The following FAM168B variants were observed in gnomAD, a reference collection of about 807,000 sequenced individuals.
FAM168B encodes the protein family with sequence similarity 168 member B.
A neutral mutation model predicts 21.8 loss-of-function variants in FAM168B; 19 were observed. The ratio of observed to expected loss-of-function variants is 0.87; its 90% CI spans 0.61 to 1.28. FAM168B has a LOEUF of 1.28. Among genes scored for constraint, FAM168B ranks in the 50% most tolerant of loss-of-function variants. FAM168B has a pLI of 0.00. For synonymous variants in FAM168B, 126 were observed against 104.8 expected, an observed-to-expected ratio of 1.20 and a Z score of -1.24; for missense variants, 233 against 263.1, an observed-to-expected ratio of 0.89 and a Z score of 0.79.
chr2:131,063,386 T>C (rs183860100), intron 3 of FAM168B, among the ~76,000 whole-genome samples: 2 of 152,238 alleles, frequency 1.3e-5, no homozygotes, highest in Non-Finnish European at 1.5e-5. Context: ...CAGAAAACTT[T>C]TGGTCTTTGG....
intron 2 of FAM168B, among the ~76,000 whole-genome samples, chr2:131,073,709 A>T (rs1692995066): frequency 6.6e-6 from 1 of 152,156 alleles, no homozygotes; most frequent in South Asian, 2.1e-4. Flanking sequence ...ATTTCTGTTC[A>T]TTATCCAGCT....
rs923183817 is a variant in FAM168B at position 131,049,442 on chromosome 2, C to T, written c.*3023G>A. 10 of 985,284 alleles carry T rather than the reference C, an allele frequency of 1.0e-5. No individual in the cohort carries two copies. The highest frequency in any genetic ancestry group is 1.2e-5 in the Non-Finnish European group (10 of 829,944). The allele number at this position is 985,284 out of a possible 1,614,324, so 61.0% of individuals were successfully genotyped here. A position where few individuals can be genotyped will look rare whatever the true frequency, so the allele number is the denominator to read the frequency against. On this transcript the variant is annotated 3_prime_UTR_variant, in exon 7 of 7. Coordinates refer to ENST00000389915, the MANE Select transcript of FAM168B (RefSeq NM_001009993.4). ...TTCTTAACAGATGGCTCACGAGAGA[C>T]ATAAAAGGTTCTGGAAGTGCCTTCA...
At chr2:131,077,373 C>T (rs570540392) in intron 2 of FAM168B, among the ~76,000 whole-genome samples, 20 of 152,176 alleles carry the variant, frequency 1.3e-4, no homozygotes, top group Non-Finnish European at 2.4e-4. Context: ...AGGAGCAGGA[C>T]CAGGCCGCTG....
At chr2:131,090,319 C>CAAAAAAAA (rs1179969129) in intron 1 of FAM168B, among the ~76,000 whole-genome samples, 4 of 75,184 alleles carry the variant, frequency 5.3e-5, no homozygotes, top group Non-Finnish European at 8.9e-5. Context: ...ACTCTTGTCT[C>CAAAAAAAA]AAAAAAAAAA....
Position 131,051,418 on chromosome 2 carries a change from C to T in FAM168B, c.*1047G>A. The T allele has an allele frequency of 7.1e-6, 7 of 984,928 alleles. No individual in the cohort carries two copies. The highest frequency in any genetic ancestry group is 8.4e-6 in the Non-Finnish European group (7 of 829,846). The allele number at this position is 984,928 out of a possible 1,614,324, so 61.0% of individuals were successfully genotyped here. ...TCATAACATACAGCTGAAACCTTTG[C>T]CCTTCTTTGTTGGGGAAAAACAGCA... On this transcript the variant is annotated 3_prime_UTR_variant, in exon 7 of 7. Coordinates refer to ENST00000389915, the MANE Select transcript of FAM168B (RefSeq NM_001009993.4).
At chr2:131,081,826 ATC>A (rs1693447587) in intron 2 of FAM168B, among the ~76,000 whole-genome samples, 1 of 152,184 alleles carries the variant, frequency 6.6e-6, no homozygotes, top group Non-Finnish European at 1.5e-5. Flanking sequence ...GACCCCAGAT[ATC>A]TCTCTTACCT....
In FAM168B at chr2:131,084,812, A is replaced by G. The variant is rs979399762; in HGVS notation, c.-11-2155T>C. On this transcript the variant is annotated intron_variant, in intron 1 of 6. Transcript: ENST00000389915. ...GTCATAGCTCACTGCAGACTTGATC[A>G]CCCAAGCTTAAGTGATCTTCCCACC... 3.3e-5 allele frequency among the ~76,000 whole-genome samples: 5 copies of G among 151,324 alleles called. 1 individual carries two copies. The highest frequency in any genetic ancestry group is 4.2e-4 in the South Asian group (2 of 4,780).
intron 2 of FAM168B, among the ~76,000 whole-genome samples, chr2:131,072,454 T>C (rs1406584804): frequency 6.6e-6 from 1 of 151,540 alleles, no homozygotes; most frequent in African/African-American, 2.4e-5. Context: ...GTAACAATTA[T>C]ATATTTTATT....
chr2:131,051,086 C>T lies in FAM168B; in HGVS notation c.*1379G>A, dbSNP rs1691645877. 1.0e-6 allele frequency: 1 copy of T among 985,352 alleles called. No homozygotes were observed. Among genetic ancestry groups the T allele is most frequent in the Non-Finnish European group, 1.2e-6 (1 of 829,984 alleles). The allele number at this position is 985,352 out of a possible 1,614,324, so 61.0% of individuals were successfully genotyped here. On this transcript the variant is annotated 3_prime_UTR_variant, in exon 7 of 7. Coordinates refer to ENST00000389915, the MANE Select transcript of FAM168B (RefSeq NM_001009993.4). ...ACAATAAACCCTGCCAGCAAACGCA[C>T]TCCAGCACTGCCTGGCCCTCTCTGC...
chr2:131,087,557 C>T (rs756534172), intron 1 of FAM168B, among the ~76,000 whole-genome samples: 5 of 152,154 alleles, frequency 3.3e-5, no homozygotes, highest in Admixed American at 6.5e-5. Context: ...TGAGAACAAG[C>T]AAGATGCATT....
chr2:131,085,991 T>G (rs1330498469), intron 1 of FAM168B, among the ~76,000 whole-genome samples: 1 of 152,144 alleles, frequency 6.6e-6, no homozygotes, highest in Non-Finnish European at 1.5e-5. Flanking sequence ...TACTGGACAG[T>G]GCAGGCCTAC....
chr2:131,056,449 G>C (rs1260070788), intron 3 of FAM168B, among the ~76,000 whole-genome samples: 1 of 152,146 alleles, frequency 6.6e-6, no homozygotes, highest in East Asian at 1.9e-4. Flanking sequence ...GGCACCAAGA[G>C]AGCCGTTCCC....
In FAM168B at chr2:131,049,987, T is replaced by A; in HGVS notation, c.*2478A>T. 1 of 985,478 alleles carries A rather than the reference T, an allele frequency of 1.0e-6. No individual in the cohort carries two copies. The highest frequency in any genetic ancestry group is 1.2e-6 in the Non-Finnish European group (1 of 829,936). 61.0% of individuals were successfully genotyped at this position (985,478 alleles called of 1,614,324 possible). On this transcript the variant is annotated 3_prime_UTR_variant, in exon 7 of 7. Coordinates refer to ENST00000389915, the MANE Select transcript of FAM168B (RefSeq NM_001009993.4). The stretch of plus-strand genomic sequence containing the variant: ...CTTTCGTATCTGACAGCTGACGTCC[T>A]AAAAATTTCAAAGTCAGAAAGATTT...
chr2:131,079,944 C>T (rs1428388975), intron 2 of FAM168B, among the ~76,000 whole-genome samples: 1 of 151,856 alleles, frequency 6.6e-6, no homozygotes, highest in African/African-American at 2.4e-5. Context: ...TGGCAAAAAC[C>T]CATCTCTACT....
At chr2:131,079,924 C>CT (rs1488450913) in intron 2 of FAM168B, among the ~76,000 whole-genome samples, 2 of 152,076 alleles carry the variant, frequency 1.3e-5, no homozygotes, top group African/African-American at 4.8e-5. Context: ...CTTGATCAGC[C>CT]TGGCCAATAT....
At chr2:131,082,514 G>C (rs1460426078) in intron 2 of FAM168B, 63 bp downstream of exon 2, 1 of 1,126,282 alleles carries the variant, frequency 8.9e-7, no homozygotes, top group African/African-American at 1.6e-5. Context: ...AGCATTCTTA[G>C]TGACATGAAA....
At chr2:131,068,270 T>C (rs2105510004) in intron 3 of FAM168B, among the ~76,000 whole-genome samples, 1 of 152,264 alleles carries the variant, frequency 6.6e-6, no homozygotes, top group South Asian at 2.1e-4. Flanking sequence ...GTGATTCTCC[T>C]GCCTCAGCCT....
At chr2:131,055,483 C>A (rs1166579807) in intron 4 of FAM168B, 34 bp from the exon 5 acceptor site, 5 of 1,603,204 alleles carry the variant, frequency 3.1e-6, no homozygotes, top group Non-Finnish European at 2.5e-6. Context: ...GACACAGGGT[C>A]CCAGGGCCAA....
intron 3 of FAM168B, among the ~76,000 whole-genome samples, chr2:131,069,516 C>T (rs1227582118): frequency 3.3e-5 from 5 of 151,020 alleles, no homozygotes; most frequent in East Asian, 1.9e-4. Context: ...TTTTTGGGGA[C>T]GGAGTCCTGC....
Sources: allele counts gnomAD v4.1 joint callset (sites outside exome capture counted in the v4.1 genomes callset), GRCh38; gene constraint gnomAD v4.1.1; transcripts MANE v1.5; gene names NCBI Gene and HGNC (gene_info 2026-07-23, HGNC 2026-07-21).